SCMH1: variants seen among roughly 807,000 people sequenced by gnomAD.
SCMH1 encodes Scm polycomb group protein homolog 1.
In SCMH1, 37 loss-of-function variants were observed where a neutral mutation model predicts 70.8. That is an observed-to-expected ratio of 0.52 (90% confidence interval 0.40 to 0.69). The LOEUF is 0.69. Ranked by LOEUF, SCMH1 falls within the 30% of genes least tolerant of loss-of-function variation. SCMH1 has a pLI of 0.00. For missense variants in SCMH1, 607 were observed against 827.3 expected, an observed-to-expected ratio of 0.73 and a Z score of 3.27; for synonymous variants, 292 against 307.4, an observed-to-expected ratio of 0.95 and a Z score of 0.52.
At chr1:41,040,229 A>G (rs1032533840) in intron 12 of SCMH1, among the ~76,000 whole-genome samples, 34 of 152,314 alleles carry the variant, frequency 2.2e-4, no homozygotes, top group Middle Eastern at 6.8e-3. Context: ...CAGCCACTAT[A>G]CTAGTTATGG....
intron 6 of SCMH1, among the ~76,000 whole-genome samples, chr1:41,125,450 C>T (rs562058834): frequency 6.7e-6 from 1 of 149,536 alleles, no homozygotes; most frequent in African/African-American, 2.5e-5. Context: ...CTCCTGGGCT[C>T]ATGTGATCCA....
At chr1:41,154,420 G>A (rs1179616881) in intron 4 of SCMH1, among the ~76,000 whole-genome samples, 1 of 152,096 alleles carries the variant, frequency 6.6e-6, no homozygotes, top group African/African-American at 2.4e-5. Flanking sequence ...CCAAGCCTAA[G>A]TTTACTCATG....
At chr1:41,230,477 G>T (rs1661089957) in intron 1 of SCMH1, among the ~76,000 whole-genome samples, 1 of 151,840 alleles carries the variant, frequency 6.6e-6, no homozygotes. Context: ...AAGATGGCAA[G>T]ACTTTATCCC....
rs577946535 is a variant in SCMH1, at chr1:41,180,262, T to C, written c.13+5859A>G. 5.4e-3 allele frequency among the ~76,000 whole-genome samples: 815 copies of C among 152,326 alleles called. 3 individuals are homozygous for C. The highest frequency in any genetic ancestry group is 0.018 in the African/African-American group (752 of 41,562). On this transcript the variant is annotated intron_variant, in intron 2 of 14. Transcript: ENST00000337495. ...GACAAACCCACAGCCAATATCATAC[T>C]GAATGGGCCAACACTGGAAGCATTC... is the stretch of plus-strand genomic sequence containing the variant.
chr1:41,230,160 G>T (rs553505579), intron 1 of SCMH1, among the ~76,000 whole-genome samples: 2 of 152,292 alleles, frequency 1.3e-5, no homozygotes, highest in South Asian at 4.1e-4. Flanking sequence ...GATATGATCT[G>T]ATCTGTGGTG....
chr1:41,150,950 A>AG (rs1210681536), intron 5 of SCMH1, among the ~76,000 whole-genome samples: 14 of 151,624 alleles, frequency 9.2e-5, no homozygotes, highest in Non-Finnish European at 1.6e-4. Context: ...AAAAAAAAAA[A>AG]AAAAAAAGAA....
At position 41,037,542 on chromosome 1, in the gene SCMH1, C is replaced by T. The variant is rs35035246; in HGVS notation, c.1499-1G>A. 6.2e-7 allele frequency: 1 copy of T among 1,613,320 alleles called. No homozygotes were observed. The highest frequency in any genetic ancestry group is 8.5e-7 in the Non-Finnish European group (1 of 1,179,546). ...CTATTCCCCAGGACAAAGGTTTCAC[C>T]TGAAAAACAGTAAAACCAGAGTTAG... On this transcript the variant is annotated splice_acceptor_variant, in intron 12 of 14. Coordinates refer to ENST00000337495, the Ensembl canonical transcript of SCMH1. LOFTEE classifies it high-confidence loss of function.
chr1:41,107,483 G>C (rs1015879567), intron 8 of SCMH1, among the ~76,000 whole-genome samples: 1 of 151,706 alleles, frequency 6.6e-6, no homozygotes, highest in Non-Finnish European at 1.5e-5. Flanking sequence ...TATTATTCTT[G>C]CCTCTATCCT....
At chr1:41,118,250 T>C (rs1013889435) in intron 6 of SCMH1, among the ~76,000 whole-genome samples, 4 of 152,084 alleles carry the variant, frequency 2.6e-5, no homozygotes, top group Admixed American at 6.5e-5. Flanking sequence ...GTAAAGTAAA[T>C]AGTGGGACAG....
At chr1:41,042,110 T>C (rs1646255334) in intron 12 of SCMH1, among the ~76,000 whole-genome samples, 1 of 152,020 alleles carries the variant, frequency 6.6e-6, no homozygotes, top group Admixed American at 6.6e-5. Context: ...TCTTTCACCA[T>C]ACTCCTGGCT....
chr1:41,103,314 T>G lies in SCMH1; in HGVS notation c.745+9969A>C, dbSNP rs1212651233. ...TCCTGGCTAATTTTTTTTTATTTTT[T>G]TATTTTCAGTAGAGATGGAGTTTCA... On this transcript the variant is annotated intron_variant, in intron 8 of 14. Transcript: ENST00000337495. Among the ~76,000 whole-genome samples, 3 of 151,932 alleles carry G rather than the reference T, an allele frequency of 2.0e-5. No homozygotes were observed. In the East Asian group the frequency reaches 5.8e-4, roughly 29 times the overall value.
chr1:41,180,369 A>G (rs1648372615), intron 2 of SCMH1, among the ~76,000 whole-genome samples: 1 of 152,222 alleles, frequency 6.6e-6, no homozygotes, highest in Non-Finnish European at 1.5e-5. Flanking sequence ...GGCCAGGGCA[A>G]TCAGACAGGA....
chr1:41,159,505 T>G (rs1645846283), intron 4 of SCMH1, among the ~76,000 whole-genome samples: 1 of 152,168 alleles, frequency 6.6e-6, no homozygotes, highest in Non-Finnish European at 1.5e-5. Flanking sequence ...TAGGTTTTAC[T>G]CCCATTTTAA....
intron 2 of SCMH1, among the ~76,000 whole-genome samples, chr1:41,180,406 G>A (rs1349927559): frequency 6.6e-6 from 1 of 152,196 alleles, no homozygotes; most frequent in African/African-American, 2.4e-5. Flanking sequence ...ATTCAATTAG[G>A]AAAAGAGGAA....
chr1:41,067,461 A>AAC (rs1655035282), intron 10 of SCMH1, among the ~76,000 whole-genome samples: 3 of 33,080 alleles, frequency 9.1e-5, no homozygotes, highest in Non-Finnish European at 1.6e-4. Flanking sequence ...ACAACAACAA[A>AAC]AAAAAAAAAA....
chr1:41,176,522 G>A (rs1557742043), intron 2 of SCMH1, among the ~76,000 whole-genome samples: 1 of 152,208 alleles, frequency 6.6e-6, no homozygotes, highest in Non-Finnish European at 1.5e-5. Flanking sequence ...GGTGACAGAC[G>A]GCACCTGGAA....
intron 10 of SCMH1, among the ~76,000 whole-genome samples, chr1:41,060,361 A>T (rs1652167297): frequency 1.3e-5 from 2 of 152,116 alleles, no homozygotes; most frequent in Admixed American, 1.3e-4. Context: ...ATAAGAAACC[A>T]TGCAAGCAAG....
At chr1:41,238,517 T>A (rs1311675786) in intron 1 of SCMH1, among the ~76,000 whole-genome samples, 1 of 152,106 alleles carries the variant, frequency 6.6e-6, no homozygotes, top group Admixed American at 6.5e-5. Context: ...CTACCCCACC[T>A]CCTCATCTGT....
At chr1:41,130,388 T>C (rs1167850604) in intron 6 of SCMH1, among the ~76,000 whole-genome samples, 1 of 152,150 alleles carries the variant, frequency 6.6e-6, no homozygotes, top group Non-Finnish European at 1.5e-5. Flanking sequence ...AATTTTGATG[T>C]AGTCTAATTT....
Sources: allele counts gnomAD v4.1 joint callset (sites outside exome capture counted in the v4.1 genomes callset), GRCh38; gene constraint gnomAD v4.1.1; transcripts MANE v1.5; gene names NCBI Gene and HGNC (gene_info 2026-07-23, HGNC 2026-07-21).